EFL1: variants seen among roughly 807,000 people sequenced by gnomAD.
EFL1 encodes the protein elongation factor-like GTPase 1.
EFL1 carries 76 observed loss-of-function variants against 126.7 expected under a neutral mutation model. The observed-to-expected ratio is 0.60, with a 90% CI of 0.50 to 0.73. The LOEUF (loss-of-function observed/expected upper bound fraction) is 0.73, where lower values mean the gene tolerates loss of function less well. Ranked by LOEUF, EFL1 falls within the 30% of genes least tolerant of loss-of-function variation. The pLI is 0.00. For missense variants in EFL1, 1,128 were observed against 1,343.2 expected (o/e 0.84, Z 2.50); for synonymous variants, 410 against 448.4 (o/e 0.91, Z 1.08).
At chr15:82,217,373 GAAAA>G in intron 14 of EFL1, among the ~76,000 whole-genome samples, 33 of 27,156 alleles carry the variant, frequency 1.2e-3, no homozygotes, top group Non-Finnish European at 1.8e-3. Context: ...GATTAGATTT[GAAAA>G]AAAAAAAAAA....
chr15:82,138,950 G>T (rs1032486831), intron 18 of EFL1, 108 bp from the exon 19 acceptor site: 197 of 1,044,260 alleles, frequency 1.9e-4, no homozygotes, highest in Non-Finnish European at 2.4e-4. Context: ...GATTAAATTT[G>T]TTCTCAATAA....
At chr15:82,219,979 C>G in intron 13 of EFL1, 99 bp downstream of exon 13, 1 of 1,497,266 alleles carries the variant, frequency 6.7e-7, no homozygotes, top group Non-Finnish European at 8.9e-7. Context: ...ATAAAAACTA[C>G]GATTAAAGCT....
intron 18 of EFL1, among the ~76,000 whole-genome samples, chr15:82,145,949 CA>C (rs903649830): frequency 2.1e-4 from 28 of 136,546 alleles, no homozygotes; most frequent in Admixed American, 5.0e-4. Flanking sequence ...AAATGAAGAG[CA>C]AAAAAAAAAG....
intron 15 of EFL1, among the ~76,000 whole-genome samples, chr15:82,204,449 A>G (rs2074503378): frequency 6.6e-6 from 1 of 152,192 alleles, no homozygotes; most frequent in Non-Finnish European, 1.5e-5. Context: ...CAATCAGACT[A>G]TATCAATTTA....
chr15:82,139,120 A>G (rs1595935892), intron 18 of EFL1, among the ~76,000 whole-genome samples: 2 of 152,354 alleles, frequency 1.3e-5, no homozygotes, highest in Middle Eastern at 6.8e-3. Flanking sequence ...AAGATTTGTA[A>G]AAGGACCTTT....
Position 82,241,401 on chromosome 15 carries a change from T to A in EFL1, c.247A>T (p.Asn83Tyr). ...SAISLHYATGNEEYLINLIDS... is the reference protein window; with the variant it reads ...SAISLHYATGYEEYLINLIDS... ...ATCAGATTGATCAGGTACTCCTCAT[T>A]ACCTAAAATACAATTTGTAAACACA... Residue 83 changes from asparagine (N) to tyrosine (Y), a missense_variant and splice_region_variant, in exon 5 of 20, where the codon AAT (asparagine) becomes TAT (tyrosine). By Grantham distance (143) the Asn-to-Tyr change is moderately radical. Coordinates refer to ENST00000268206, the MANE Select transcript of EFL1 (RefSeq NM_024580.6). 6.2e-7 allele frequency: 1 copy of A among 1,612,492 alleles called. No individual in the cohort carries two copies. Among genetic ancestry groups the A allele is most frequent in the Non-Finnish European group, 8.5e-7 (1 of 1,179,022 alleles).
intron 14 of EFL1, 47 bp downstream of exon 14, chr15:82,219,605 C>A (rs1397954290): frequency 6.4e-7 from 1 of 1,554,970 alleles, no homozygotes; most frequent in Non-Finnish European, 8.7e-7. Flanking sequence ...GAAAAGATAT[C>A]AGACCCTCGA....
chr15:82,165,136 A>G (rs1312938674), intron 15 of EFL1, among the ~76,000 whole-genome samples: 1 of 152,046 alleles, frequency 6.6e-6, no homozygotes, highest in African/African-American at 2.4e-5. Flanking sequence ...ATGGTGGTGC[A>G]CACCTGTCTA....
chr15:82,246,499 A>C (rs915817918), intron 4 of EFL1, among the ~76,000 whole-genome samples: 2 of 152,106 alleles, frequency 1.3e-5, no homozygotes, highest in African/African-American at 4.8e-5. Context: ...TTGTAGGATA[A>C]CTTTGACTAA....
intron 18 of EFL1, among the ~76,000 whole-genome samples, chr15:82,139,536 A>C (rs933068820): frequency 3.3e-5 from 5 of 152,164 alleles, no homozygotes; most frequent in African/African-American, 1.2e-4. Context: ...CTCAGGAGGG[A>C]AACATCTTCC....
intron 7 of EFL1, among the ~76,000 whole-genome samples, chr15:82,234,000 C>T (rs1159189000): frequency 6.6e-6 from 1 of 152,182 alleles, no homozygotes; most frequent in Non-Finnish European, 1.5e-5. Flanking sequence ...CTAAATCTGA[C>T]CTTGTCTAAT....
intron 7 of EFL1, among the ~76,000 whole-genome samples, chr15:82,234,232 A>C (rs1343571655): frequency 6.6e-6 from 1 of 152,220 alleles, no homozygotes; most frequent in Non-Finnish European, 1.5e-5. Flanking sequence ...CTTGTGGCTT[A>C]TTAGCAGAAT....
chr15:82,230,156 T>C (rs1482744979), intron 8 of EFL1, among the ~76,000 whole-genome samples: 1 of 152,194 alleles, frequency 6.6e-6, no homozygotes, highest in Non-Finnish European at 1.5e-5. Context: ...GGGATGTATA[T>C]ATCTATGTAA....
chr15:82,154,249 C>G (rs1304566242), intron 17 of EFL1, among the ~76,000 whole-genome samples: 1 of 152,162 alleles, frequency 6.6e-6, no homozygotes, highest in Non-Finnish European at 1.5e-5. Flanking sequence ...GCGGTAGGCT[C>G]AGGCTACATC....
rs112282180 is a variant in EFL1, at chr15:82,182,220, GC to G, written c.1751-18237del. On this transcript the variant is annotated intron_variant, in intron 15 of 19. Transcript: ENST00000268206. Reference sequence around the variant, plus strand: ...TGTAGCGAGCTGAGATCATGCCACTGCACTCTCCAGCCTAGGCGAAAGAGCA... The same window carrying G: ...TGTAGCGAGCTGAGATCATGCCACTGACTCTCCAGCCTAGGCGAAAGAGCA... Among the ~76,000 whole-genome samples, 717 of 152,316 alleles carry G rather than the reference GC, an allele frequency of 4.7e-3. 11 individuals carry two copies. The highest frequency in any genetic ancestry group is 0.017 in the African/African-American group (689 of 41,570).
intron 14 of EFL1, among the ~76,000 whole-genome samples, chr15:82,216,392 T>C (rs1213197045): frequency 3.3e-5 from 5 of 152,102 alleles, no homozygotes; most frequent in African/African-American, 9.7e-5. Context: ...AAACTTGATA[T>C]ATAGGAGCAA....
At chr15:82,203,499 G>A (rs561237547) in intron 15 of EFL1, among the ~76,000 whole-genome samples, 36 of 152,006 alleles carry the variant, frequency 2.4e-4, no homozygotes, top group African/African-American at 8.2e-4. Flanking sequence ...CTCAGCCTCC[G>A]GAGTAGGTGG....
chr15:82,185,453 T>C lies in EFL1; in HGVS notation c.1751-21469A>G, dbSNP rs189868766. Reference sequence around the variant, plus strand: ...CAAAAAATCCAACTTGTAAATACTTTAAAGACATTCAGAAAAAAATTTTAA... The same window carrying C: ...CAAAAAATCCAACTTGTAAATACTTCAAAGACATTCAGAAAAAAATTTTAA... On this transcript the variant is annotated intron_variant, in intron 15 of 19. Transcript: ENST00000268206. Among the ~76,000 whole-genome samples, 47 of 152,252 alleles carry C rather than the reference T, an allele frequency of 3.1e-4. 1 individual carries two copies. The highest frequency in any genetic ancestry group is 2.1e-4 in the South Asian group (1 of 4,832).
At chr15:82,233,956 T>C (rs2074847645) in intron 7 of EFL1, among the ~76,000 whole-genome samples, 1 of 152,224 alleles carries the variant, frequency 6.6e-6, no homozygotes, top group Non-Finnish European at 1.5e-5. Flanking sequence ...TAAATTCACA[T>C]ATCAACTTGT....
Sources: allele counts gnomAD v4.1 joint callset (sites outside exome capture counted in the v4.1 genomes callset), GRCh38; gene constraint gnomAD v4.1.1; transcripts MANE v1.5; gene names NCBI Gene and HGNC (gene_info 2026-07-23, HGNC 2026-07-21).